STYXL1: variants seen among roughly 807,000 people sequenced by gnomAD.
STYXL1 encodes serine/threonine/tyrosine-interacting-like protein 1.
Under a neutral mutation model 36.4 loss-of-function variants are expected in STYXL1, and 32 were observed. The ratio of observed to expected loss-of-function variants is 0.88; its 90% confidence interval spans 0.66 to 1.18. The LOEUF is 1.18. Ranked by LOEUF, STYXL1 falls within the 50% of genes most tolerant of loss-of-function variation. The probability of loss-of-function intolerance (pLI) is 0.00; values close to 1 mark genes in which losing one functional copy is unlikely to be tolerated. For missense variants in STYXL1, 354 were observed against 394.1 expected (o/e 0.90, Z 0.86); for synonymous variants, 133 against 144.1 (o/e 0.92, Z 0.55).
intron 5 of STYXL1, among the ~76,000 whole-genome samples, chr7:76,012,947 C>G (rs1792746636): frequency 6.6e-6 from 1 of 152,196 alleles, no homozygotes; most frequent in Non-Finnish European, 1.5e-5. Context: ...CCTTTCTGAC[C>G]TTGGTATCGG....
intron 5 of STYXL1, among the ~76,000 whole-genome samples, chr7:76,011,732 C>T (rs1554572261): frequency 1.3e-5 from 2 of 152,220 alleles, no homozygotes; most frequent in South Asian, 2.1e-4. Flanking sequence ...TGGTGCTAGC[C>T]TTAGACAACT....
chr7:76,022,024 G>A, intron 3 of STYXL1, 32 bp from the exon 4 acceptor site: 1 of 1,590,538 alleles, frequency 6.3e-7, no homozygotes, highest in Non-Finnish European at 8.5e-7. Context: ...ACACAAGAGA[G>A]GCCTGTTGGT....
chr7:75,998,733 C>G (rs533022317), intron 8 of STYXL1: 1 of 152,052 alleles, frequency 6.6e-6, no homozygotes, highest in African/African-American at 2.4e-5. Flanking sequence ...TAGAGAAAAT[C>G]AAAAAAACCA....
chr7:76,007,992 A>C (rs1324672234), intron 5 of STYXL1, among the ~76,000 whole-genome samples: 2 of 151,600 alleles, frequency 1.3e-5, no homozygotes, highest in Non-Finnish European at 2.9e-5. Context: ...TGAGGTCAGG[A>C]GTTTGAGACC....
At chr7:76,019,927 C>CAAAAAA (rs58018497) in intron 4 of STYXL1, among the ~76,000 whole-genome samples, 2 of 82,344 alleles carry the variant, frequency 2.4e-5, no homozygotes, top group African/African-American at 3.5e-5. Flanking sequence ...GACCCTGACT[C>CAAAAAA]AAAAAAAAAA....
chr7:76,003,519 C>A (rs1200787956), intron 7 of STYXL1, among the ~76,000 whole-genome samples: 1 of 152,212 alleles, frequency 6.6e-6, no homozygotes, highest in Non-Finnish European at 1.5e-5. Context: ...AGGGCCAGAG[C>A]CTTGGGCCCC....
intron 5 of STYXL1, 35 bp from the exon 6 acceptor site, chr7:76,005,439 T>C: frequency 1.3e-6 from 2 of 1,563,508 alleles, no homozygotes; most frequent in African/African-American, 1.3e-5. Context: ...GCTATGAGCA[T>C]ATTCCTCAGG....
chr7:76,035,240 C>T (rs1259758114), intron 1 of STYXL1, among the ~76,000 whole-genome samples: 1 of 130,608 alleles, frequency 7.7e-6, no homozygotes, highest in African/African-American at 2.6e-5. Flanking sequence ...GCAGTAGTGC[C>T]CAACTGGATT....
intron 6 of STYXL1, among the ~76,000 whole-genome samples, chr7:76,004,546 A>G (rs1791408992): frequency 6.6e-6 from 1 of 151,952 alleles, no homozygotes; most frequent in Non-Finnish European, 1.5e-5. Flanking sequence ...TCTACTAAAA[A>G]CTACAAAAAT....
chr7:76,042,711 T>C (rs2116513808), intron 1 of STYXL1, among the ~76,000 whole-genome samples: 1 of 152,170 alleles, frequency 6.6e-6, no homozygotes, highest in Middle Eastern at 3.4e-3. Flanking sequence ...CCGGCCCTTA[T>C]GTGCTTTTCT....
intron 7 of STYXL1, among the ~76,000 whole-genome samples, chr7:76,001,402 C>T (rs1488897095): frequency 6.6e-6 from 1 of 152,194 alleles, no homozygotes; most frequent in Non-Finnish European, 1.5e-5. Context: ...ACTCACTGGC[C>T]GTGGGGCTTG....
At chr7:76,029,863 C>T (rs1442137604) in intron 2 of STYXL1, among the ~76,000 whole-genome samples, 5 of 152,148 alleles carry the variant, frequency 3.3e-5, no homozygotes, top group Non-Finnish European at 5.9e-5. Flanking sequence ...GTAATGCAAG[C>T]GATGGGGAGT....
In STYXL1 at chr7:76,000,945, C is replaced by A; in HGVS notation, c.755G>T (p.Arg252Leu). The A allele has an allele frequency of 6.2e-7, 1 of 1,614,126 alleles. No homozygotes were observed. The highest frequency in any genetic ancestry group is 1.3e-5 in the African/African-American group (1 of 75,036). ...ILIFSTQGIS[R>L]SCAAIIAYLM... Reference sequence around the variant, plus strand: ...GTAGGCTATGATGGCGGCACAACTGCGGCTGATACCTTGGGTGGAAAAGAT... The same window carrying A: ...GTAGGCTATGATGGCGGCACAACTGAGGCTGATACCTTGGGTGGAAAAGAT... Residue 252 changes from arginine to leucine, a missense_variant, in exon 8 of 9, where the codon CGC becomes CTC. Arg to Leu is a moderately radical substitution (Grantham distance 102). Coordinates refer to ENST00000359697, the MANE Select transcript of STYXL1 (RefSeq NM_001317785.2).
At chr7:76,034,469 C>T (rs1554580280) in intron 1 of STYXL1, among the ~76,000 whole-genome samples, 2 of 152,156 alleles carry the variant, frequency 1.3e-5, no homozygotes, top group Non-Finnish European at 2.9e-5. Context: ...TTGTTTCTTC[C>T]CCAGACACTC....
In STYXL1 at chr7:76,000,564, T is replaced by G. The variant is rs782514557; in HGVS notation, c.810+326A>C. The G allele has an allele frequency of 3.5e-5, 17 of 487,276 alleles. 1 individual carries two copies. Among genetic ancestry groups the G allele is most frequent in the South Asian group, 2.6e-4 (17 of 64,846 alleles). The allele number at this position is 487,276 out of a possible 1,614,324, so 30.2% of individuals were successfully genotyped here. A position where few individuals can be genotyped will look rare whatever the true frequency, so the allele number is the denominator to read the frequency against. ...ATAGACGGGAGTGGGTGGGCGCCTG[T>G]GCTGCAGCTCTGGGACTCCAAGCAG... is the stretch of plus-strand genomic sequence containing the variant. On this transcript the variant is annotated intron_variant, in intron 8 of 8. Coordinates refer to ENST00000359697, the MANE Select transcript of STYXL1 (RefSeq NM_001317785.2).
intron 1 of STYXL1, among the ~76,000 whole-genome samples, chr7:76,042,465 C>T (rs776808316): frequency 2.3e-5 from 3 of 127,746 alleles, no homozygotes; most frequent in Non-Finnish European, 4.8e-5. Context: ...AGTACAGCGG[C>T]GCGATCTCAG....
At chr7:76,006,762 T>TC (rs1392988461) in intron 5 of STYXL1, among the ~76,000 whole-genome samples, 6 of 32,838 alleles carry the variant, frequency 1.8e-4, no homozygotes, top group Non-Finnish European at 2.6e-4. Flanking sequence ...AGACTCCGTC[T>TC]CAAAAAAAAA....
At chr7:76,006,115 G>C (rs140032249) in intron 5 of STYXL1, among the ~76,000 whole-genome samples, 538 of 152,094 alleles carry the variant, frequency 3.5e-3, no homozygotes, top group Non-Finnish European at 5.9e-3. Context: ...CTGTCACCCA[G>C]GCTGGAGTGC....
chr7:76,012,284 GT>G lies in STYXL1; in HGVS notation c.453+1457del, dbSNP rs1313101308. Reference sequence around the variant, plus strand: ...GCCACACCTGGCTGATTTTCTTTTTGTTTTTTTTGGAGACAGGGTCTTGCTT... The same window carrying G: ...GCCACACCTGGCTGATTTTCTTTTTGTTTTTTTGGAGACAGGGTCTTGCTT... On this transcript the variant is annotated intron_variant, in intron 5 of 8. Transcript: ENST00000359697. Among the ~76,000 whole-genome samples the G allele has an allele frequency of 2.6e-5, 4 of 151,606 alleles. No individual in the cohort carries two copies. The South Asian group carries it at 6.2e-4, about 24-fold the overall frequency.
Sources: gnomAD v4.1 joint callset for allele counts (sites outside exome capture counted in the v4.1 genomes callset) on GRCh38, gnomAD v4.1.1 for gene constraint, MANE v1.5 for transcripts, NCBI Gene and HGNC (gene_info 2026-07-23, HGNC 2026-07-21) for gene names.